PSTPIP2: variants seen among roughly 807,000 people sequenced by gnomAD.
PSTPIP2 encodes proline-serine-threonine phosphatase interacting protein 2.
In PSTPIP2, 33 loss-of-function variants were observed where a neutral mutation model predicts 63.3. The ratio of observed to expected loss-of-function variants is 0.52; its 90% CI spans 0.40 to 0.70. The LOEUF (loss-of-function observed/expected upper bound fraction) is 0.70. Among genes scored for constraint, PSTPIP2 ranks in the 30% least tolerant of loss-of-function variants. The pLI is 0.00. For missense variants in PSTPIP2, 312 were observed against 400.7 expected (o/e 0.78, Z 1.89); for synonymous variants, 125 against 132.7 (o/e 0.94, Z 0.40).
chr18:46,036,463 T>A (rs1392299970), intron 2 of PSTPIP2, among the ~76,000 whole-genome samples: 1 of 152,114 alleles, frequency 6.6e-6, no homozygotes, highest in Non-Finnish European at 1.5e-5. Context: ...AAGCCTTCAA[T>A]AAACATCAGC....
At chr18:46,011,356 A>G in intron 4 of PSTPIP2, 69 bp from the exon 5 acceptor site, 1 of 1,228,676 alleles carries the variant, frequency 8.1e-7, no homozygotes, top group Non-Finnish European at 1.2e-6. Context: ...AAAATCATAC[A>G]AAATAAATAT....
chr18:46,041,052 G>A, intron 1 of PSTPIP2: 1 of 458,338 alleles, frequency 2.2e-6, no homozygotes, highest in Non-Finnish European at 4.4e-6. Context: ...GACCCTGATA[G>A]CTCTTCCTAC....
chr18:46,014,102 T>C (rs1274541376), intron 4 of PSTPIP2, among the ~76,000 whole-genome samples: 1 of 152,022 alleles, frequency 6.6e-6, no homozygotes, highest in Non-Finnish European at 1.5e-5. Context: ...TGCTCACTAC[T>C]ACCTCTACTT....
intron 1 of PSTPIP2, among the ~76,000 whole-genome samples, chr18:46,062,478 TAAAAAGAAAAAG>T (rs11270755): frequency 1.1e-4 from 17 of 149,800 alleles, no homozygotes; most frequent in South Asian, 8.4e-4. Context: ...CCATCTCTAC[TAAAAAGAAAAAG>T]AAAAAGAAAA....
At chr18:46,063,356 T>C (rs1909057565) in intron 1 of PSTPIP2, among the ~76,000 whole-genome samples, 1 of 152,096 alleles carries the variant, frequency 6.6e-6, no homozygotes, top group African/African-American at 2.4e-5. Flanking sequence ...CGAAGTGTAA[T>C]AGAAGAAATC....
Position 46,040,130 on chromosome 18 carries a change from G to T in PSTPIP2, c.34-83C>A, listed in dbSNP as rs138334640. The T allele has an allele frequency of 9.7e-5, 114 of 1,175,102 alleles. No individual in the cohort carries two copies. The African/African-American group carries it at 1.7e-3, about 18-fold the overall frequency. The allele number at this position is 1,175,102 out of a possible 1,614,324, so 72.8% of individuals were successfully genotyped here. On this transcript the variant is annotated intron_variant, in intron 1 of 14. Coordinates refer to ENST00000409746, the MANE Select transcript of PSTPIP2 (RefSeq NM_024430.4). ...AGAGAAGATAAGACAAAAGAGGTGG[G>T]AAGCTGGCCACGGAACGTTGCTGAC... is the stretch of plus-strand genomic sequence containing the variant.
intron 2 of PSTPIP2, chr18:46,028,697 T>A (rs1907681767): frequency 1.1e-6 from 1 of 871,704 alleles, no homozygotes; most frequent in Non-Finnish European, 1.9e-6. Context: ...GGAAAGATAA[T>A]GATGAAAAAT....
chr18:46,047,755 G>GA (rs1214874479), intron 1 of PSTPIP2, among the ~76,000 whole-genome samples: 1 of 152,086 alleles, frequency 6.6e-6, no homozygotes, highest in Non-Finnish European at 1.5e-5. Context: ...ATAAAGTTGG[G>GA]AAAAAATTTT....
chr18:46,031,306 G>C (rs2144102869), intron 2 of PSTPIP2, among the ~76,000 whole-genome samples: 1 of 152,140 alleles, frequency 6.6e-6, no homozygotes, highest in East Asian at 1.9e-4. Flanking sequence ...GCTTCATCTT[G>C]CTCCTGGTAC....
In PSTPIP2 at chr18:46,042,555, C is replaced by T. The variant is rs1472738455; in HGVS notation, c.34-2508G>A. Among the ~76,000 whole-genome samples, 8 of 152,152 alleles carry T rather than the reference C, an allele frequency of 5.3e-5. No homozygotes were observed. The East Asian group carries it at 1.5e-3, about 29-fold the overall frequency. On this transcript the variant is annotated intron_variant, in intron 1 of 14. Transcript: ENST00000409746. Reference sequence around the variant, plus strand: ...TCAAGTTTTGAACTACCCCTGCATCCCCTCCCAAAAAATCTTATTATTCAC... The same window carrying T: ...TCAAGTTTTGAACTACCCCTGCATCTCCTCCCAAAAAATCTTATTATTCAC...
At chr18:46,052,338 T>C (rs1908610217) in intron 1 of PSTPIP2, among the ~76,000 whole-genome samples, 2 of 152,206 alleles carry the variant, frequency 1.3e-5, no homozygotes, top group Non-Finnish European at 2.9e-5. Context: ...GTCACATCCC[T>C]ACCACAATAC....
At chr18:46,017,862 T>C (rs1478210539) in intron 3 of PSTPIP2, among the ~76,000 whole-genome samples, 2 of 152,108 alleles carry the variant, frequency 1.3e-5, no homozygotes, top group Non-Finnish European at 2.9e-5. Context: ...CCTGAACTTA[T>C]TCCTCCTAAC....
At chr18:46,041,799 A>G (rs943626696) in intron 1 of PSTPIP2, among the ~76,000 whole-genome samples, 2 of 152,174 alleles carry the variant, frequency 1.3e-5, no homozygotes, top group South Asian at 2.1e-4. Flanking sequence ...GAGGTTGGTT[A>G]GCTGGCCTCT....
At chr18:46,044,965 T>C (rs1908331806) in intron 1 of PSTPIP2, among the ~76,000 whole-genome samples, 1 of 152,166 alleles carries the variant, frequency 6.6e-6, no homozygotes, top group Non-Finnish European at 1.5e-5. Context: ...TGAGATACCA[T>C]CTCACACCAG....
At chr18:46,067,337 C>T (rs568643969) in intron 1 of PSTPIP2, among the ~76,000 whole-genome samples, 2 of 151,450 alleles carry the variant, frequency 1.3e-5, no homozygotes, top group African/African-American at 2.4e-5. Context: ...CCCGTCTCTA[C>T]TAAAAATACA....
intron 4 of PSTPIP2, among the ~76,000 whole-genome samples, chr18:46,014,086 G>A (rs138079589): frequency 6.6e-6 from 1 of 151,976 alleles, no homozygotes; most frequent in African/African-American, 2.4e-5. Flanking sequence ...GCAGTGGCAA[G>A]ATCTCTGCTC....
chr18:46,052,008 C>A (rs942676016), intron 1 of PSTPIP2, among the ~76,000 whole-genome samples: 3 of 152,212 alleles, frequency 2.0e-5, no homozygotes, highest in Non-Finnish European at 2.9e-5. Context: ...CCTGGGCATG[C>A]CCAAGACAGG....
intron 6 of PSTPIP2, among the ~76,000 whole-genome samples, chr18:46,001,157 G>A (rs1041438474): frequency 2.6e-5 from 4 of 152,114 alleles, no homozygotes; most frequent in African/African-American, 9.7e-5. Context: ...GTAGTTTTTT[G>A]AGAAATCTCC....
chr18:46,015,906 G>T lies in PSTPIP2; in HGVS notation c.244C>A (p.Gln82Lys), dbSNP rs1234459566. The change falls in exon 4 of 15, where the codon CAG (glutamine) becomes AAG (lysine). Residue 82 changes from glutamine to lysine, a missense_variant. Coordinates refer to ENST00000409746, the MANE Select transcript of PSTPIP2 (RefSeq NM_024430.4). ...TTTTAAAAAAAAAATCACTTACGCT[G>T]CTTGAAGACTTCAAGGGCCCGCTTC... Reference protein sequence around the residue: ...TLKRALEVFKQQVDNVAQCHI... With the variant: ...TLKRALEVFKKQVDNVAQCHI... 2 of 1,611,732 alleles carry T rather than the reference G, an allele frequency of 1.2e-6. No homozygotes were observed. The highest frequency in any genetic ancestry group is 2.7e-5 in the African/African-American group (2 of 74,722).
Sources: gnomAD v4.1 joint callset for allele counts (sites outside exome capture counted in the v4.1 genomes callset) on GRCh38, gnomAD v4.1.1 for gene constraint, MANE v1.5 for transcripts, NCBI Gene and HGNC (gene_info 2026-07-23, HGNC 2026-07-21) for gene names.